The following FBXO4 variants were observed in gnomAD, a reference collection of about 807,000 sequenced individuals.
FBXO4 encodes F-box protein 4.
In FBXO4, 36 loss-of-function variants were observed where a neutral mutation model predicts 43.7. The observed-to-expected ratio is 0.82, with a 90% CI of 0.63 to 1.09. The LOEUF is 1.09. Among genes scored for constraint, FBXO4 ranks in the 50% least tolerant of loss-of-function variants. The probability of loss-of-function intolerance (pLI) is 0.00; values close to 1 mark genes in which losing one functional copy is unlikely to be tolerated. For missense variants in FBXO4, 435 were observed against 474.1 expected, an observed-to-expected ratio of 0.92 and a Z score of 0.77; for synonymous variants, 180 against 165.6, an observed-to-expected ratio of 1.09 and a Z score of -0.67.
chr5:41,936,937 G>A (rs976808817), intron 5 of FBXO4, among the ~76,000 whole-genome samples: 1 of 151,510 alleles, frequency 6.6e-6, no homozygotes, highest in Non-Finnish European at 1.5e-5. Flanking sequence ...CTCTGCTATT[G>A]CAGTGCAAAA....
At chr5:41,976,007 AAG>A in the FBXO4 span, among the ~76,000 whole-genome samples, 137 of 152,224 alleles carry the variant, frequency 9.0e-4, no homozygotes, top group Admixed American at 7.8e-4. Flanking sequence ...GGGAGCAAGA[AAG>A]AGAGAGGGGA....
the FBXO4 span, chr5:41,967,116 G>T: frequency 3.3e-6 from 1 of 306,894 alleles, no homozygotes; most frequent in Non-Finnish European, 6.5e-6. Flanking sequence ...AGTGCTTTTG[G>T]TGATATAGAA....
chr5:42,038,192 G>A, the FBXO4 span, among the ~76,000 whole-genome samples: 1 of 152,090 alleles, frequency 6.6e-6, no homozygotes, highest in Non-Finnish European at 1.5e-5. Flanking sequence ...TGGGATTTGG[G>A]ACATGTGCCT....
At chr5:42,030,825 G>A in the FBXO4 span, among the ~76,000 whole-genome samples, 1 of 152,154 alleles carries the variant, frequency 6.6e-6, no homozygotes, top group African/African-American at 2.4e-5. Flanking sequence ...CTCAAAAGAA[G>A]ACATTTATGC....
chr5:41,965,276 T>G, the FBXO4 span, among the ~76,000 whole-genome samples: 7 of 152,166 alleles, frequency 4.6e-5, no homozygotes, highest in African/African-American at 1.2e-4. Flanking sequence ...ATGCTGTTTT[T>G]GTTACTGTAG....
intron 5 of FBXO4, among the ~76,000 whole-genome samples, chr5:41,937,370 T>C (rs147715630): frequency 6.6e-6 from 1 of 152,262 alleles, no homozygotes; most frequent in East Asian, 1.9e-4. Context: ...AAGAGAAATC[T>C]TTATAGTACT....
the FBXO4 span, among the ~76,000 whole-genome samples, chr5:42,003,957 A>G: frequency 2.6e-5 from 4 of 152,154 alleles, no homozygotes; most frequent in African/African-American, 9.7e-5. Context: ...TCACAAGAGG[A>G]AAGACTTGGA....
chr5:41,997,262 C>T, the FBXO4 span, among the ~76,000 whole-genome samples: 1 of 152,194 alleles, frequency 6.6e-6, no homozygotes, highest in Non-Finnish European at 1.5e-5. Context: ...TATGATAATC[C>T]ATTGTCATTC....
the FBXO4 span, among the ~76,000 whole-genome samples, chr5:42,014,389 G>C: frequency 6.6e-6 from 1 of 152,108 alleles, no homozygotes; most frequent in African/African-American, 2.4e-5. Flanking sequence ...TAATAACATT[G>C]AATATGCTTT....
At chr5:41,979,743 A>G in the FBXO4 span, among the ~76,000 whole-genome samples, 2 of 152,196 alleles carry the variant, frequency 1.3e-5, no homozygotes, top group African/African-American at 4.8e-5. Context: ...ATTTCTAGAA[A>G]CTACAACCTT....
the FBXO4 span, among the ~76,000 whole-genome samples, chr5:42,009,153 T>TCCC: frequency 6.6e-6 from 1 of 152,168 alleles, no homozygotes; most frequent in Non-Finnish European, 1.5e-5. Context: ...TATCATTTAA[T>TCCC]GAAGACTGCA....
At chr5:41,939,762 T>A (rs556998910) in intron 6 of FBXO4, 146 bp downstream of exon 6, 1 of 599,180 alleles carries the variant, frequency 1.7e-6, no homozygotes, top group Non-Finnish European at 2.7e-6. Context: ...ATTTGATTGG[T>A]GATAATAAAT....
At chr5:42,023,191 A>C in the FBXO4 span, among the ~76,000 whole-genome samples, 11 of 152,240 alleles carry the variant, frequency 7.2e-5, no homozygotes, top group East Asian at 1.4e-3. Flanking sequence ...TTATTTAAAA[A>C]ATTGTTATAA....
At chr5:41,963,368 A>C in the FBXO4 span, among the ~76,000 whole-genome samples, 2 of 152,246 alleles carry the variant, frequency 1.3e-5, no homozygotes, top group South Asian at 2.1e-4. Context: ...CTCTAAAATA[A>C]GAGTGACATT....
At chr5:42,031,406 C>T in the FBXO4 span, among the ~76,000 whole-genome samples, 1 of 137,744 alleles carries the variant, frequency 7.3e-6, no homozygotes, top group African/African-American at 2.8e-5. Flanking sequence ...GGGAATTGAA[C>T]AATGAGAACA....
chr5:41,927,370 CT>C (rs1343260926), intron 2 of FBXO4, 122 bp downstream of exon 2: 2 of 680,454 alleles, frequency 2.9e-6, no homozygotes, highest in African/African-American at 3.6e-5. Context: ...TCTAATTGTT[CT>C]CGTCAAAACT....
At chr5:42,028,334 T>C in the FBXO4 span, among the ~76,000 whole-genome samples, 1 of 151,984 alleles carries the variant, frequency 6.6e-6, no homozygotes, top group South Asian at 2.1e-4. Flanking sequence ...GAAAGAAGTA[T>C]AGCAACTTCT....
intron 5 of FBXO4, among the ~76,000 whole-genome samples, chr5:41,935,571 C>T (rs1227609960): frequency 1.3e-5 from 2 of 152,200 alleles, no homozygotes; most frequent in Non-Finnish European, 2.9e-5. Flanking sequence ...TGTTTGCTGA[C>T]TCTGGAGGAG....
chr5:41,994,951 A>G, the FBXO4 span, among the ~76,000 whole-genome samples: 1 of 152,246 alleles, frequency 6.6e-6, no homozygotes, highest in East Asian at 1.9e-4. Context: ...CTGGCCATGG[A>G]AGAAACACTA....
Sources: allele counts gnomAD v4.1 joint callset (sites outside exome capture counted in the v4.1 genomes callset), GRCh38; gene constraint gnomAD v4.1.1; transcripts MANE v1.5; gene names NCBI Gene and HGNC (gene_info 2026-07-23, HGNC 2026-07-21).